The following RARB variants were observed in gnomAD, a reference collection of about 807,000 sequenced individuals.
The protein encoded by RARB is HBV-activated protein.
RARB carries 17 observed loss-of-function variants against 51.9 expected under a neutral mutation model. The observed-to-expected ratio is 0.33, with a 90% CI of 0.22 to 0.49. RARB has a LOEUF of 0.49. RARB is among the 20% of genes least tolerant of loss of function. RARB has a pLI of 0.99. For missense variants in RARB, 369 were observed against 550.8 expected (o/e 0.67, Z 3.30); for synonymous variants, 215 against 195.4 (o/e 1.10, Z -0.84).
At chr3:25,474,051 C>T (rs1299915488) in intron 2 of RARB, among the ~76,000 whole-genome samples, 4 of 151,696 alleles carry the variant, frequency 2.6e-5, no homozygotes, top group Non-Finnish European at 5.9e-5. Flanking sequence ...GGGGAGAATA[C>T]CATAGTTTTA....
intron 5 of RARB, among the ~76,000 whole-genome samples, chr3:25,235,331 C>T (rs1371409919): frequency 6.6e-6 from 1 of 152,036 alleles, no homozygotes; most frequent in Non-Finnish European, 1.5e-5. Flanking sequence ...TCATCAAATA[C>T]TATAAGCAAA....
intron 5 of RARB, among the ~76,000 whole-genome samples, chr3:25,328,964 C>T (rs1012697369): frequency 2.6e-5 from 4 of 152,262 alleles, no homozygotes; most frequent in East Asian, 1.9e-4. Context: ...AAGGTGGCAG[C>T]GAGGCTAGGG....
chr3:25,479,703 C>T (rs745334349), intron 2 of RARB, among the ~76,000 whole-genome samples: 33 of 152,302 alleles, frequency 2.2e-4, no homozygotes, highest in Non-Finnish European at 5.9e-5. Context: ...TTCATTACCA[C>T]CTACCAAGGC....
intron 2 of RARB, among the ~76,000 whole-genome samples, chr3:24,993,663 C>T (rs1342234788): frequency 6.6e-6 from 1 of 152,090 alleles, no homozygotes; most frequent in Non-Finnish European, 1.5e-5. Flanking sequence ...CTATCCTTCC[C>T]TTCCCCCAAC....
intron 1 of RARB, among the ~76,000 whole-genome samples, chr3:24,856,845 C>T (rs951821538): frequency 6.6e-6 from 1 of 152,110 alleles, no homozygotes; most frequent in African/African-American, 2.4e-5. Flanking sequence ...CTCGAAAAAG[C>T]AATTGGATTA....
chr3:25,007,553 C>T lies in RARB; in HGVS notation c.-379-52572C>T, dbSNP rs1290245706. 4.0e-5 allele frequency among the ~76,000 whole-genome samples: 5 copies of T among 125,972 alleles called. No individual in the cohort carries two copies. In the East Asian group the frequency reaches 7.8e-4, roughly 20 times the overall value. 82.6% of individuals were successfully genotyped at this position (125,972 alleles called of 152,430 possible). A position where few individuals can be genotyped will look rare whatever the true frequency, so the allele number is the denominator to read the frequency against. ...GAGGTTGCAGTGAGCTGAGATTGCG[C>T]CATTGCATTCCAGCCTGGGCAACAG... On this transcript the variant is annotated intron_variant, in intron 2 of 11. Transcript: ENST00000383772.
chr3:25,273,376 A>T (rs564878161), intron 5 of RARB, among the ~76,000 whole-genome samples: 3 of 152,114 alleles, frequency 2.0e-5, no homozygotes, highest in Non-Finnish European at 4.4e-5. Context: ...TAAAATCATC[A>T]CCTAATGGAA....
At chr3:25,588,997 TCCA>T (rs1228383148) in intron 5 of RARB, among the ~76,000 whole-genome samples, 1 of 152,198 alleles carries the variant, frequency 6.6e-6, no homozygotes, top group African/African-American at 2.4e-5. Context: ...GGAATTAAGC[TCCA>T]CCCCTTAAAG....
At chr3:25,086,860 C>T (rs928108415) in intron 3 of RARB, among the ~76,000 whole-genome samples, 1 of 152,074 alleles carries the variant, frequency 6.6e-6, no homozygotes, top group Non-Finnish European at 1.5e-5. Context: ...GCAGATAAAG[C>T]CTCCGCATAG....
At chr3:25,224,780 A>G (rs1702018807) in intron 5 of RARB, among the ~76,000 whole-genome samples, 1 of 151,816 alleles carries the variant, frequency 6.6e-6, no homozygotes. Flanking sequence ...TAGTTTTTGT[A>G]TTTTTAGTAG....
chr3:25,397,848 A>C (rs771001029), intron 5 of RARB, among the ~76,000 whole-genome samples: 1 of 151,326 alleles, frequency 6.6e-6, no homozygotes, highest in Non-Finnish European at 1.5e-5. Flanking sequence ...CAGCTCAAAA[A>C]ATATGTGATT....
At chr3:25,130,232 C>G (rs1396110135) in intron 3 of RARB, among the ~76,000 whole-genome samples, 1 of 152,078 alleles carries the variant, frequency 6.6e-6, no homozygotes, top group Non-Finnish European at 1.5e-5. Flanking sequence ...GACTTTTACA[C>G]ATGGTTTTCA....
chr3:25,434,534 T>C (rs1375840070), intron 1 of RARB, among the ~76,000 whole-genome samples: 1 of 142,798 alleles, frequency 7.0e-6, no homozygotes, highest in African/African-American at 2.5e-5. Flanking sequence ...TACTCCTTTT[T>C]TTTTTTTTTT....
intron 2 of RARB, among the ~76,000 whole-genome samples, chr3:24,930,382 T>C (rs947446247): frequency 5.3e-5 from 8 of 152,062 alleles, no homozygotes; most frequent in Non-Finnish European, 1.2e-4. Context: ...CTGCAAAATA[T>C]GGTTATACCT....
At chr3:25,216,939 T>A (rs1192162819) in intron 5 of RARB, among the ~76,000 whole-genome samples, 2 of 152,110 alleles carry the variant, frequency 1.3e-5, no homozygotes, top group African/African-American at 4.8e-5. Flanking sequence ...CTCTGGCCTA[T>A]GTATTTTTTA....
chr3:25,424,369 C>T (rs1707933543), upstream of RARB, among the ~76,000 whole-genome samples: 1 of 152,148 alleles, frequency 6.6e-6, no homozygotes, highest in Non-Finnish European at 1.5e-5. Flanking sequence ...GAACTTCCCC[C>T]GCTCCCTTCC....
At chr3:24,861,165 G>A (rs1378790072) in intron 2 of RARB, among the ~76,000 whole-genome samples, 1 of 152,044 alleles carries the variant, frequency 6.6e-6, no homozygotes. Context: ...AGGCTTTTCC[G>A]GTCATTATTC....
chr3:25,113,284 T>G (rs181965982), intron 3 of RARB, among the ~76,000 whole-genome samples: 22 of 152,310 alleles, frequency 1.4e-4, no homozygotes, highest in Admixed American at 5.9e-4. Flanking sequence ...TGTTCCCAGT[T>G]TCTCTTGGGA....
chr3:25,380,270 G>A (rs989508252), intron 5 of RARB, among the ~76,000 whole-genome samples: 15 of 152,244 alleles, frequency 9.9e-5, no homozygotes, highest in African/African-American at 3.6e-4. Context: ...CCTCAGACTA[G>A]AGCTGACATC....
Sources: gnomAD v4.1 joint callset for allele counts (sites outside exome capture counted in the v4.1 genomes callset) on GRCh38, gnomAD v4.1.1 for gene constraint, MANE v1.5 for transcripts, NCBI Gene and HGNC (gene_info 2026-07-23, HGNC 2026-07-21) for gene names.